The following CFAP20DC variants were observed in gnomAD, a reference collection of about 807,000 sequenced individuals.
CFAP20DC encodes the protein CFAP20 domain containing, also known as protein CFAP20DC.
CFAP20DC carries 84 observed loss-of-function variants against 101.7 expected under a neutral mutation model. The ratio of observed to expected loss-of-function variants is 0.83; its 90% CI spans 0.69 to 0.99. The LOEUF is 0.99. CFAP20DC is among the 50% of genes least tolerant of loss of function. The pLI is 0.00. For synonymous variants in CFAP20DC, 359 were observed against 351.2 expected, an observed-to-expected ratio of 1.02 and a Z score of -0.25; for missense variants, 1,007 against 970.3, an observed-to-expected ratio of 1.04 and a Z score of -0.50.
chr3:58,920,411 C>G lies in CFAP20DC; in HGVS notation c.394-6547G>C, dbSNP rs117027765. Among the ~76,000 whole-genome samples the G allele has an allele frequency of 9.5e-4, 144 of 152,118 alleles. 2 individuals carry two copies. In the East Asian group the frequency reaches 0.019, roughly 20 times the overall value. The stretch of plus-strand genomic sequence containing the variant: ...GCCCAGCCATAGTGGATAGTCTTGC[C>G]TTGTTTCCCATCTTAGGGAGTAAGC... On this transcript the variant is annotated intron_variant, in intron 5 of 16. Transcript: ENST00000482387.
At chr3:58,850,193 T>A (rs531784654) in intron 12 of CFAP20DC, among the ~76,000 whole-genome samples, 14 of 152,316 alleles carry the variant, frequency 9.2e-5, no homozygotes, top group African/African-American at 3.4e-4. Context: ...TGTAGTGCTA[T>A]TTCAATTGGT....
At position 58,863,337 on chromosome 3, in the gene CFAP20DC, T is replaced by C; in HGVS notation, c.1593+221A>G. 2 of 1,415,748 alleles carry C rather than the reference T, an allele frequency of 1.4e-6. No homozygotes were observed. Among genetic ancestry groups the C allele is most frequent in the Non-Finnish European group, 1.8e-6 (2 of 1,092,522 alleles). The allele number at this position is 1,415,748 out of a possible 1,614,324, so 87.7% of individuals were successfully genotyped here. On this transcript the variant is annotated intron_variant, in intron 12 of 16. Coordinates refer to ENST00000482387, the MANE Select transcript of CFAP20DC (RefSeq NM_001394063.1). This position sits in a 1 kb window ranked among gnomAD's most constrained non-coding sequence, Gnocchi z 5.9. Reference sequence around the variant, plus strand: ...CAGAAAGAAACCCAAAACTGGTTTCTATAAGTAAAAGTGAAATTGGCTGAC... The same window carrying C: ...CAGAAAGAAACCCAAAACTGGTTTCCATAAGTAAAAGTGAAATTGGCTGAC...
intron 15 of CFAP20DC, among the ~76,000 whole-genome samples, chr3:58,779,331 T>C (rs530147460): frequency 6.6e-6 from 1 of 152,228 alleles, no homozygotes; most frequent in South Asian, 2.1e-4. Context: ...GAATATTCCA[T>C]GCAAATGGAA....
At chr3:58,843,111 T>C (rs1056313841) in intron 13 of CFAP20DC, among the ~76,000 whole-genome samples, 9 of 152,180 alleles carry the variant, frequency 5.9e-5, no homozygotes, top group Non-Finnish European at 1.3e-4. Context: ...AGCGCCTCTC[T>C]TCCTCCAAAG....
chr3:58,888,985 ATTGT>A (rs1559771365), intron 6 of CFAP20DC, among the ~76,000 whole-genome samples: 1 of 144,692 alleles, frequency 6.9e-6, no homozygotes, highest in Non-Finnish European at 1.5e-5. Context: ...ACCAGCATCT[ATTGT>A]TTTTTTTTTT....
At chr3:58,937,212 G>A (rs1167409687) in intron 5 of CFAP20DC, among the ~76,000 whole-genome samples, 1 of 152,168 alleles carries the variant, frequency 6.6e-6, no homozygotes, top group Non-Finnish European at 1.5e-5. Flanking sequence ...ATTGTTCACT[G>A]TTCTCCGGAG....
chr3:58,812,984 T>C (rs1167775323), intron 14 of CFAP20DC, among the ~76,000 whole-genome samples: 2 of 151,850 alleles, frequency 1.3e-5, no homozygotes, highest in African/African-American at 4.9e-5. Flanking sequence ...AGTTCAACCA[T>C]CATTAATAAC....
At chr3:58,750,389 G>A (rs1456358448) in intron 16 of CFAP20DC, among the ~76,000 whole-genome samples, 1 of 152,186 alleles carries the variant, frequency 6.6e-6, no homozygotes, top group African/African-American at 2.4e-5. Flanking sequence ...ATGTAACCAT[G>A]TGGAAGATGG....
intron 6 of CFAP20DC, among the ~76,000 whole-genome samples, chr3:58,904,251 T>C (rs2083403747): frequency 6.6e-6 from 1 of 152,090 alleles, no homozygotes; most frequent in Non-Finnish European, 1.5e-5. Flanking sequence ...AATGGAATTG[T>C]TATTTTTAGA....
chr3:58,840,928 C>T (rs894366230), intron 13 of CFAP20DC, among the ~76,000 whole-genome samples: 5 of 152,228 alleles, frequency 3.3e-5, no homozygotes, highest in African/African-American at 1.2e-4. Flanking sequence ...CAGGACTCAA[C>T]ACCAGGCCTG....
intron 4 of CFAP20DC, among the ~76,000 whole-genome samples, chr3:58,981,849 T>C (rs1394286510): frequency 6.6e-6 from 1 of 151,976 alleles, no homozygotes; most frequent in South Asian, 2.1e-4. Flanking sequence ...AAGCCAAAAT[T>C]GACAAATGGG....
At chr3:59,019,440 G>A (rs2093757625) in intron 4 of CFAP20DC, among the ~76,000 whole-genome samples, 1 of 151,888 alleles carries the variant, frequency 6.6e-6, no homozygotes, top group African/African-American at 2.4e-5. Context: ...TCCCTTGTTT[G>A]TTGAGGGATG....
intron 4 of CFAP20DC, among the ~76,000 whole-genome samples, chr3:58,950,192 T>C (rs147794317): frequency 0.059 from 9,017 of 151,932 alleles, 576 homozygotes; most frequent in East Asian, 0.38. Context: ...GAGAAGAAAA[T>C]ACCTAGGATC....
chr3:58,763,083 C>G (rs1340437074), intron 15 of CFAP20DC, among the ~76,000 whole-genome samples: 2 of 152,132 alleles, frequency 1.3e-5, no homozygotes, highest in Non-Finnish European at 2.9e-5. Flanking sequence ...GAATGTTGGC[C>G]TGCCTTGCTA....
chr3:58,941,101 C>A (rs986641712), intron 4 of CFAP20DC, among the ~76,000 whole-genome samples: 1 of 151,866 alleles, frequency 6.6e-6, no homozygotes, highest in South Asian at 2.1e-4. Context: ...GAGGCTGAGG[C>A]GGGTGGATCA....
At chr3:58,761,712 G>T (rs2069619023) in intron 15 of CFAP20DC, among the ~76,000 whole-genome samples, 1 of 152,284 alleles carries the variant, frequency 6.6e-6, no homozygotes, top group East Asian at 1.9e-4. Context: ...CTTTGAATGT[G>T]TCCCAGAGAT....
At chr3:58,825,747 TGTAAA>T (rs1318172572) in intron 14 of CFAP20DC, among the ~76,000 whole-genome samples, 1 of 152,170 alleles carries the variant, frequency 6.6e-6, no homozygotes, top group South Asian at 2.1e-4. Context: ...CCACAGAAGT[TGTAAA>T]GTATTGTTTT....
At position 58,819,821 on chromosome 3, in the gene CFAP20DC, C is replaced by T. The variant is rs566487572; in HGVS notation, c.2175+11865G>A. On this transcript the variant is annotated intron_variant, in intron 14 of 16. Transcript: ENST00000482387. ...GCCAGCATCATCCTGATACCAAAGC[C>T]GGGCAGAGACACAGCCAAAAAAGAG... is the stretch of plus-strand genomic sequence containing the variant. 8.0e-4 allele frequency among the ~76,000 whole-genome samples: 119 copies of T among 149,028 alleles called. 2 individuals carry two copies. Among genetic ancestry groups the T allele is most frequent in the South Asian group, 3.1e-3 (14 of 4,558 alleles).
At chr3:58,900,996 A>G (rs910782404) in intron 6 of CFAP20DC, among the ~76,000 whole-genome samples, 1 of 152,204 alleles carries the variant, frequency 6.6e-6, no homozygotes, top group Admixed American at 6.5e-5. Context: ...TGAGATTTAT[A>G]GATCGGTTTT....
Sources: allele counts gnomAD v4.1 joint callset (sites outside exome capture counted in the v4.1 genomes callset), GRCh38; gene constraint gnomAD v4.1.1; non-coding constraint Gnocchi (gnomAD v3.1); transcripts MANE v1.5; gene names NCBI Gene and HGNC (gene_info 2026-07-23, HGNC 2026-07-21).